The following ALPK1 variants were observed in gnomAD, a reference collection of about 807,000 sequenced individuals.
The protein encoded by ALPK1 is alpha kinase 1.
A neutral mutation model predicts 120.6 loss-of-function variants in ALPK1; 110 were observed. The observed-to-expected ratio is 0.91, with a 90% CI of 0.78 to 1.07. The LOEUF (loss-of-function observed/expected upper bound fraction) is 1.07. Among genes scored for constraint, ALPK1 ranks in the 50% least tolerant of loss-of-function variants. ALPK1 has a pLI of 0.00. For missense variants in ALPK1, 1,498 were observed against 1,483.9 expected (o/e 1.01, Z -0.16); for synonymous variants, 582 against 560.3 (o/e 1.04, Z -0.55).
At chr4:112,352,193 A>C (rs1317508350) in intron 2 of ALPK1, among the ~76,000 whole-genome samples, 1 of 152,236 alleles carries the variant, frequency 6.6e-6, no homozygotes. Context: ...ATGCGGAACA[A>C]CTATCGAGAA....
At chr4:112,429,345 C>T in intron 10 of ALPK1, 92 bp downstream of exon 10, 2 of 969,978 alleles carry the variant, frequency 2.1e-6, no homozygotes, top group South Asian at 1.6e-5. Flanking sequence ...GTTTAACCTT[C>T]AAACAGGCTT....
At chr4:112,357,191 G>C in intron 2 of ALPK1, 1 of 1,551,680 alleles carries the variant, frequency 6.4e-7, no homozygotes, top group Non-Finnish European at 8.8e-7. Context: ...GTTTGCTGAA[G>C]CCCAGAGCAC....
In ALPK1 at chr4:112,431,556, C is replaced by G; in HGVS notation, c.2009C>G (p.Pro670Arg). 1 of 1,614,152 alleles carries G rather than the reference C, an allele frequency of 6.2e-7. No homozygotes were observed. Among genetic ancestry groups the G allele is most frequent in the South Asian group, 1.1e-5 (1 of 91,084 alleles). ...PSQNQPQQQM[P>R]LTPFSPHNTP... is the part of the protein sequence containing the mutation. ...CAAAATCAGCCACAGCAACAGATGC[C>G]CTTGACACCCTTCTCGCCTCATAAT... The change falls in exon 11 of 16, where the codon CCC becomes CGC. Residue 670 changes from proline to arginine, a missense_variant. Transcript: ENST00000650871.
In ALPK1 at chr4:112,307,268, C is replaced by T. The variant is rs190498586; in HGVS notation, c.-152-8533C>T. On this transcript the variant is annotated intron_variant, in intron 1 of 15. Coordinates refer to ENST00000650871, the MANE Select transcript of ALPK1 (RefSeq NM_025144.4). ...GAGTTGTGTAGATGTCTATTAGGTC[C>T]GCTTGGTGCAGAGCTGAGTTCAATT... is the stretch of plus-strand genomic sequence containing the variant. 2.9e-4 allele frequency among the ~76,000 whole-genome samples: 44 copies of T among 151,960 alleles called. No individual in the cohort carries two copies. The East Asian group carries it at 5.4e-3, about 19-fold the overall frequency.
At chr4:112,427,338 A>G (rs1157460233) in intron 8 of ALPK1, among the ~76,000 whole-genome samples, 2 of 65,292 alleles carry the variant, frequency 3.1e-5, no homozygotes, top group East Asian at 6.8e-4. Context: ...ATAAACATGT[A>G]TAATTATTAT....
chr4:112,431,525 C>G lies in ALPK1; in HGVS notation c.1978C>G (p.Pro660Ala), dbSNP rs775074954. Residue 660 changes from proline to alanine, a missense_variant, in exon 11 of 16, where the codon CCT (proline) becomes GCT (alanine). Pro to Ala is a conservative substitution (Grantham distance 27, BLOSUM62 -1). Transcript: ENST00000650871. ...GGAACCCAACAATGACAATTTGGAG[C>G]CTTCTCAAAATCAGCCACAGCAACA... is the stretch of plus-strand genomic sequence containing the variant. ...LQEPNNDNLE[P>A]SQNQPQQQMP... is the part of the protein sequence containing the mutation. The G allele has an allele frequency of 5.0e-6, 8 of 1,614,040 alleles. No individual in the cohort carries two copies. The highest frequency in any genetic ancestry group is 6.8e-6 in the Non-Finnish European group (8 of 1,180,036).
chr4:112,367,793 T>G (rs908106386), intron 2 of ALPK1, among the ~76,000 whole-genome samples: 1 of 152,262 alleles, frequency 6.6e-6, no homozygotes, highest in African/African-American at 2.4e-5. Context: ...TTCCTGTTTT[T>G]TAGCCTGTCT....
Position 112,431,382 on chromosome 4 carries a change from G to T in ALPK1, c.1835G>T (p.Gly612Val), listed in dbSNP as rs762607500. The change falls in exon 11 of 16, where the codon GGC (glycine) becomes GTC (valine). Residue 612 changes from glycine to valine, a missense_variant. Coordinates refer to ENST00000650871, the MANE Select transcript of ALPK1 (RefSeq NM_025144.4). Reference protein sequence around the residue: ...VDDRSARKEPGKEHLVDTQCS... With the variant: ...VDDRSARKEPVKEHLVDTQCS... ...GACAGGTCAGCCAGAAAAGAGCCTG[G>T]CAAAGAACATCTGGTGGACACTCAG... 2.2e-5 allele frequency: 36 copies of T among 1,614,076 alleles called. No homozygotes were observed. The highest frequency in any genetic ancestry group is 2.8e-5 in the Non-Finnish European group (33 of 1,180,046).
rs1285809325 is a variant in ALPK1 at position 112,424,079 on chromosome 4, A to G, written c.535+76A>G. The G allele has an allele frequency of 2.9e-6, 4 of 1,402,914 alleles. No homozygotes were observed. In the African/African-American group the frequency reaches 4.3e-5, roughly 15 times the overall value. The allele number at this position is 1,402,914 out of a possible 1,614,324, so 86.9% of individuals were successfully genotyped here. On this transcript the variant is annotated intron_variant, in intron 6 of 15. Coordinates refer to ENST00000650871, the MANE Select transcript of ALPK1 (RefSeq NM_025144.4). ...GCACTCATTTAATAACAACTTAGTG[A>G]CTTAATAGTTACTATACCTTAGATG...
chr4:112,338,174 C>A (rs928601501), intron 2 of ALPK1, among the ~76,000 whole-genome samples: 1 of 152,154 alleles, frequency 6.6e-6, no homozygotes, highest in Non-Finnish European at 1.5e-5. Context: ...GCCATGTTGG[C>A]CAGGCCAGTC....
At chr4:112,389,917 C>A (rs780151046) in intron 4 of ALPK1, among the ~76,000 whole-genome samples, 2 of 152,136 alleles carry the variant, frequency 1.3e-5, no homozygotes, top group East Asian at 3.8e-4. Context: ...GTCTTATTTT[C>A]TAAATCTCTC....
At chr4:112,427,366 A>C (rs1471519272) in intron 8 of ALPK1, among the ~76,000 whole-genome samples, 1 of 32,650 alleles carries the variant, frequency 3.1e-5, no homozygotes, top group Non-Finnish European at 5.9e-5. Context: ...TTTGATATAA[A>C]ACATGTATTT....
At chr4:112,414,616 A>C (rs1733652224) in intron 5 of ALPK1, 3 of 177,122 alleles carry the variant, frequency 1.7e-5, no homozygotes, top group African/African-American at 7.0e-5. Flanking sequence ...CTCAAAAAAA[A>C]AAAAAGAGAG....
chr4:112,302,003 A>G (rs936665557), intron 1 of ALPK1, among the ~76,000 whole-genome samples: 1 of 151,752 alleles, frequency 6.6e-6, no homozygotes, highest in African/African-American at 2.4e-5. Flanking sequence ...CTCACCACTG[A>G]CTCTCAGATT....
At chr4:112,345,641 AT>A (rs772055087) in intron 2 of ALPK1, among the ~76,000 whole-genome samples, 2 of 152,172 alleles carry the variant, frequency 1.3e-5, no homozygotes, top group Non-Finnish European at 2.9e-5. Flanking sequence ...TCAAAAGAGA[AT>A]TTTTAAATTT....
At chr4:112,379,576 C>T (rs1479854955) in intron 3 of ALPK1, among the ~76,000 whole-genome samples, 1 of 152,212 alleles carries the variant, frequency 6.6e-6, no homozygotes, top group Non-Finnish European at 1.5e-5. Context: ...CGGAGCGGCT[C>T]GAGCAGGCGG....
Position 112,431,138 on chromosome 4 carries a change from C to T in ALPK1, c.1591C>T (p.Leu531Phe). Residue 531 changes from leucine (L) to phenylalanine (F), a missense_variant, in exon 11 of 16, where the codon CTC becomes TTC. Physicochemically the swap from Leu to Phe is conservative, Grantham distance 22. Transcript: ENST00000650871. ...SLMGKNVQRE[L>F]RRGGRRNWTH... ...AATGGGTAAGAATGTTCAGAGGGAA[C>T]TCAGAAGGGGAGGAAGGAGAAACTG... is the stretch of plus-strand genomic sequence containing the variant. The T allele has an allele frequency of 6.2e-7, 1 of 1,614,138 alleles. No individual in the cohort carries two copies. The highest frequency in any genetic ancestry group is 8.5e-7 in the Non-Finnish European group (1 of 1,180,038).
intron 1 of ALPK1, among the ~76,000 whole-genome samples, chr4:112,308,252 C>T (rs1420229233): frequency 6.6e-6 from 1 of 151,984 alleles, no homozygotes; most frequent in African/African-American, 2.4e-5. Flanking sequence ...CAAGGAGTAT[C>T]TTTGTGGCTT....
At chr4:112,422,885 T>A (rs1335480370) in intron 5 of ALPK1, among the ~76,000 whole-genome samples, 1 of 152,202 alleles carries the variant, frequency 6.6e-6, no homozygotes, top group African/African-American at 2.4e-5. Context: ...TTGGGCTAAG[T>A]TCCAAGAAGG....
Sources: gnomAD v4.1 joint callset for allele counts (sites outside exome capture counted in the v4.1 genomes callset) on GRCh38, gnomAD v4.1.1 for gene constraint, MANE v1.5 for transcripts, NCBI Gene and HGNC (gene_info 2026-07-23, HGNC 2026-07-21) for gene names.